IP6K2: variants seen among roughly 807,000 people sequenced by gnomAD.
IP6K2 encodes ATP:1D-myo-inositol-hexakisphosphate phosphotransferase.
IP6K2 carries 9 observed loss-of-function variants against 43.3 expected under a neutral mutation model. That is an observed-to-expected ratio of 0.21 (90% CI 0.13 to 0.36). The LOEUF (loss-of-function observed/expected upper bound fraction) is 0.36, where lower values mean the gene tolerates loss of function less well. Ranked by LOEUF, IP6K2 falls within the 10% of genes least tolerant of loss-of-function variation. The probability of loss-of-function intolerance (pLI) is 1.00; values close to 1 mark genes in which losing one functional copy is unlikely to be tolerated. For synonymous variants in IP6K2, 209 were observed against 202.4 expected, an observed-to-expected ratio of 1.03 and a Z score of -0.28; for missense variants, 332 against 538.4, an observed-to-expected ratio of 0.62 and a Z score of 3.79.
intron 4 of IP6K2, 73 bp from the exon 5 acceptor site, chr3:48,689,786 G>C: frequency 1.5e-6 from 2 of 1,333,362 alleles, no homozygotes; most frequent in Non-Finnish European, 2.1e-6. Flanking sequence ...AAGGTACAGT[G>C]CCTTGATGCA....
intron 1 of IP6K2, among the ~76,000 whole-genome samples, chr3:48,712,245 T>C (rs1433186641): frequency 6.7e-6 from 1 of 149,600 alleles, no homozygotes; most frequent in East Asian, 2.0e-4. Context: ...AAAAAAAATT[T>C]TTTTTTTTTT....
chr3:48,693,118 T>A lies in IP6K2; in HGVS notation c.264A>T (p.Pro88=), dbSNP rs779291348. 1 of 1,614,270 alleles carries A rather than the reference T, an allele frequency of 6.2e-7. No individual in the cohort carries two copies. The highest frequency in any genetic ancestry group is 8.5e-7 in the Non-Finnish European group (1 of 1,180,046). Residue 88 remains proline (P), a synonymous_variant, in exon 3 of 6, where the codon CCA becomes CCT. Transcript: ENST00000328631. ...EDRNLCLIAY[P]LKGDHGIVDI... ...CCACAATTCCATGGTCCCCTTTCAA[T>A]GGATATGCTATTAGACACAAGTTCC...
At chr3:48,700,443 G>C (rs2078897810) in intron 1 of IP6K2, among the ~76,000 whole-genome samples, 1 of 152,164 alleles carries the variant, frequency 6.6e-6, no homozygotes, top group Admixed American at 6.6e-5. Context: ...TGTGGGCCCA[G>C]TACCTAGAAA....
intron 1 of IP6K2, among the ~76,000 whole-genome samples, chr3:48,700,507 T>C (rs1351185689): frequency 6.6e-6 from 1 of 152,164 alleles, no homozygotes; most frequent in Admixed American, 6.6e-5. Context: ...ATTTTAGCTT[T>C]CCACATTGCC....
intron 1 of IP6K2, among the ~76,000 whole-genome samples, chr3:48,714,251 G>A (rs918340332): frequency 2.0e-5 from 3 of 152,168 alleles, no homozygotes; most frequent in African/African-American, 7.2e-5. Context: ...ATTTTTAGTA[G>A]AGACAGGGTT....
intron 2 of IP6K2, chr3:48,693,428 C>A: frequency 7.2e-7 from 1 of 1,389,904 alleles, no homozygotes; most frequent in Non-Finnish European, 9.7e-7. Context: ...GAGGCAAGAG[C>A]CAAAGAATTA....
At chr3:48,700,914 G>A (rs1327989266) in intron 1 of IP6K2, among the ~76,000 whole-genome samples, 5 of 152,104 alleles carry the variant, frequency 3.3e-5, no homozygotes, top group Non-Finnish European at 1.5e-5. Flanking sequence ...GCATCTGCCT[G>A]GTACACATTC....
intron 1 of IP6K2, among the ~76,000 whole-genome samples, chr3:48,707,057 ATAT>A (rs1428242064): frequency 1.3e-5 from 2 of 152,318 alleles, no homozygotes; most frequent in Admixed American, 6.5e-5. Flanking sequence ...ACATATATTT[ATAT>A]TATTTTATAT....
intron 2 of IP6K2, chr3:48,694,837 C>T (rs1333131077): frequency 1.3e-6 from 2 of 1,536,838 alleles, no homozygotes; most frequent in Non-Finnish European, 1.7e-6. Context: ...GAACATAAAA[C>T]ACAACTACAC....
chr3:48,693,990 C>CA, intron 2 of IP6K2: 1 of 1,360,482 alleles, frequency 7.4e-7, no homozygotes, highest in Non-Finnish European at 9.5e-7. Flanking sequence ...GAGCGCCTTA[C>CA]AAACGACTGG....
At chr3:48,693,608 G>A in intron 2 of IP6K2, 1 of 1,152,328 alleles carries the variant, frequency 8.7e-7, no homozygotes, top group Non-Finnish European at 1.1e-6. Flanking sequence ...AATACAGGGG[G>A]AACACAGGTT....
At position 48,695,070 on chromosome 3, in the gene IP6K2, C is replaced by CT; in HGVS notation, c.202+19dup. ...CATCTCCTCGCCAGTGTGGCAACCC[C>CT]TCCAGCAGCTGGGACTTACCTTTGT... On this transcript the variant is annotated intron_variant, in intron 2 of 5. Coordinates refer to ENST00000328631, the MANE Select transcript of IP6K2 (RefSeq NM_016291.4). This position sits in a 1 kb window ranked among gnomAD's most constrained non-coding sequence, Gnocchi z 4.6. The CT allele has an allele frequency of 6.2e-7, 1 of 1,614,126 alleles. No individual in the cohort carries two copies. Among genetic ancestry groups the CT allele is most frequent in the Non-Finnish European group, 8.5e-7 (1 of 1,179,950 alleles).
intron 3 of IP6K2, among the ~76,000 whole-genome samples, chr3:48,691,901 A>G (rs2077830065): frequency 6.6e-6 from 1 of 152,026 alleles, no homozygotes; most frequent in Non-Finnish European, 1.5e-5. Flanking sequence ...GCCCAGGTGC[A>G]ATGGTGCGAT....
intron 5 of IP6K2, among the ~76,000 whole-genome samples, 193 bp downstream of exon 5, chr3:48,689,345 G>T (rs2106776478): frequency 6.6e-6 from 1 of 152,204 alleles, no homozygotes; most frequent in Non-Finnish European, 1.5e-5. Flanking sequence ...CAGAGACAGG[G>T]TTTCGCCATG....
Position 48,688,081 on chromosome 3 carries a change from G to T in IP6K2, c.*192C>A. On this transcript the variant is annotated 3_prime_UTR_variant, in exon 6 of 6. Coordinates refer to ENST00000328631, the MANE Select transcript of IP6K2 (RefSeq NM_016291.4). This position sits in a 1 kb window ranked among gnomAD's most constrained non-coding sequence, Gnocchi z 5.1. The stretch of plus-strand genomic sequence containing the variant: ...GTATCATCATCAAATGTGGAATGTT[G>T]AAGAAATAGTTAAAATAAATAAAGA... The T allele has an allele frequency of 3.2e-6, 2 of 620,266 alleles. No homozygotes were observed. The allele number at this position is 620,266 out of a possible 1,614,324, so 38.4% of individuals were successfully genotyped here.
At chr3:48,712,483 T>C (rs2080664109) in intron 1 of IP6K2, among the ~76,000 whole-genome samples, 1 of 151,726 alleles carries the variant, frequency 6.6e-6, no homozygotes, top group Non-Finnish European at 1.5e-5. Context: ...CCTGACCTCA[T>C]GATCCGCCTG....
chr3:48,701,061 G>T (rs1378273883), intron 1 of IP6K2, among the ~76,000 whole-genome samples: 1 of 152,154 alleles, frequency 6.6e-6, no homozygotes, highest in Non-Finnish European at 1.5e-5. Flanking sequence ...CCACTCCTAG[G>T]TGTTTAACTA....
At chr3:48,715,718 T>C (rs934002111) in intron 1 of IP6K2, among the ~76,000 whole-genome samples, 2 of 150,480 alleles carry the variant, frequency 1.3e-5, no homozygotes, top group East Asian at 1.9e-4. Flanking sequence ...CTCTCTCTTT[T>C]TTTTTTTTTT....
chr3:48,704,319 TTGA>T (rs1029497575), intron 1 of IP6K2, among the ~76,000 whole-genome samples: 2 of 152,148 alleles, frequency 1.3e-5, no homozygotes, highest in African/African-American at 4.8e-5. Context: ...TCTATCATCC[TTGA>T]TGATGAACAC....
Sources: gnomAD v4.1 joint callset for allele counts (sites outside exome capture counted in the v4.1 genomes callset) on GRCh38, gnomAD v4.1.1 for gene constraint, Gnocchi (gnomAD v3.1) non-coding constraint, MANE v1.5 for transcripts, NCBI Gene and HGNC (gene_info 2026-07-23, HGNC 2026-07-21) for gene names.